The following PARP14 variants were observed in gnomAD, a reference collection of about 807,000 sequenced individuals.
PARP14 encodes the protein poly(ADP-ribose) polymerase family member 14.
In PARP14, 59 loss-of-function variants were observed where a neutral mutation model predicts 154.2. The observed-to-expected ratio is 0.38, with a 90% confidence interval of 0.31 to 0.48. The LOEUF (loss-of-function observed/expected upper bound fraction) is 0.48, where lower values mean the gene tolerates loss of function less well. Among genes scored for constraint, PARP14 ranks in the 20% least tolerant of loss-of-function variants. The pLI, the probability that PARP14 is intolerant of heterozygous loss-of-function variation, is 0.98. For missense variants in PARP14, 1,734 were observed against 2,131.6 expected (o/e 0.81, Z 3.67); for synonymous variants, 720 against 780.5 (o/e 0.92, Z 1.29).
At position 122,728,329 on chromosome 3, in the gene PARP14, C is replaced by A; in HGVS notation, c.5138C>A (p.Thr1713Asn). 1 of 1,613,052 alleles carries A rather than the reference C, an allele frequency of 6.2e-7. No homozygotes were observed. Among genetic ancestry groups the A allele is most frequent in the Non-Finnish European group, 8.5e-7 (1 of 1,179,068 alleles). ...ACAGCTGTGGCATATGGAAAGGGAA[C>A]CTATTTTGCTGTCAATGCCAATTAT... is the stretch of plus-strand genomic sequence containing the variant. ...GKNAVAYGKGTYFAVNANYSA... is the reference protein window; with the variant it reads ...GKNAVAYGKGNYFAVNANYSA... Residue 1713 changes from threonine to asparagine, a missense_variant, in exon 17 of 17, where the codon ACC (threonine) becomes AAC (asparagine). Transcript: ENST00000474629.
intron 15 of PARP14, among the ~76,000 whole-genome samples, chr3:122,725,077 T>A (rs1340127959): frequency 2.0e-5 from 3 of 152,170 alleles, no homozygotes; most frequent in Non-Finnish European, 4.4e-5. Flanking sequence ...AACAATCTGT[T>A]CTCTCTTTTC....
At chr3:122,683,221 G>A (rs974396904) in intron 1 of PARP14, 1 of 746,490 alleles carries the variant, frequency 1.3e-6, no homozygotes, top group South Asian at 6.0e-5. Flanking sequence ...AACAATGAAT[G>A]ACCTACGCTT....
rs1413490450 is a variant in PARP14, at chr3:122,730,626, T to C, written c.*2029T>C. On this transcript the variant is annotated 3_prime_UTR_variant, in exon 17 of 17. Transcript: ENST00000474629. ...AGGCCACTGGCATCTGAATTCATCA[T>C]TGACAATAAATGTAAGAAATTGGAA... The C allele has an allele frequency of 6.6e-6, 1 of 152,634 alleles. No individual in the cohort carries two copies. The highest frequency in any genetic ancestry group is 1.5e-5 in the Non-Finnish European group (1 of 68,042). The allele number at this position is 152,634 out of a possible 1,614,324, so 9.5% of individuals were successfully genotyped here. A position where few individuals can be genotyped will look rare whatever the true frequency, so the allele number is the denominator to read the frequency against.
intron 4 of PARP14, among the ~76,000 whole-genome samples, chr3:122,693,370 C>A (rs772399358): frequency 3.9e-5 from 6 of 152,116 alleles, no homozygotes; most frequent in Admixed American, 2.6e-4. Context: ...GGCAGTGGAG[C>A]GGTTAAGAGC....
In PARP14 at chr3:122,687,181, G is replaced by A. The variant is rs370128135; in HGVS notation, c.355+68G>A. ...TTTGCATTTATTAAAGGCAGCACTT[G>A]AGGGAGTCAGCCCTCTCTTCTTGAC... On this transcript the variant is annotated intron_variant, in intron 3 of 16. Transcript: ENST00000474629. 914 of 1,095,130 alleles carry A rather than the reference G, an allele frequency of 8.3e-4. 2 individuals carry two copies. The highest frequency in any genetic ancestry group is 1.2e-3 in the Non-Finnish European group (879 of 728,628). 67.8% of individuals were successfully genotyped at this position (1,095,130 alleles called of 1,614,324 possible).
In PARP14 at chr3:122,695,550, C is replaced by A. The variant is rs758910969; in HGVS notation, c.723C>A (p.Asp241Glu). Residue 241 changes from aspartate (D) to glutamate (E), a missense_variant, in exon 5 of 17, where the codon GAC (aspartate) becomes GAA (glutamate). Coordinates refer to ENST00000474629, the MANE Select transcript of PARP14 (RefSeq NM_017554.3). ...AAAACCTGCCACCTGGTGCTGATGA[C>A]TACAGTTTAAAACTTTTCTTTGAAA... is the stretch of plus-strand genomic sequence containing the variant. ...RVENLPPGAD[D>E]YSLKLFFENP... 1.9e-6 allele frequency: 3 copies of A among 1,608,202 alleles called. No individual in the cohort carries two copies. Among genetic ancestry groups the A allele is most frequent in the Non-Finnish European group, 2.6e-6 (3 of 1,175,204 alleles).
At chr3:122,709,363 G>A (rs1485853523) in intron 9 of PARP14, among the ~76,000 whole-genome samples, 1 of 152,192 alleles carries the variant, frequency 6.6e-6, no homozygotes, top group African/African-American at 2.4e-5. Context: ...CTCCATCCAA[G>A]TTGCTTCAAA....
At chr3:122,713,972 T>G in intron 11 of PARP14, 38 bp downstream of exon 11, 8 of 1,438,274 alleles carry the variant, frequency 5.6e-6, no homozygotes, top group Non-Finnish European at 7.8e-6. Context: ...AAGTTGTAAT[T>G]GTATGGGAGG....
rs371386673 is a variant in PARP14 at position 122,728,318 on chromosome 3, T to C, written c.5127T>C (p.Tyr1709=). ...RSYAGKNAVA[Y]GKGTYFAVNA... is the part of the protein sequence containing the mutation. ...TTTTTCTTTTCACAGCTGTGGCATA[T>C]GGAAAGGGAACCTATTTTGCTGTCA... The change falls in exon 17 of 17, where the codon TAT becomes TAC. Residue 1709 remains tyrosine, a synonymous_variant. Coordinates refer to ENST00000474629, the MANE Select transcript of PARP14 (RefSeq NM_017554.3). 2.2e-5 allele frequency: 35 copies of C among 1,612,270 alleles called. No individual in the cohort carries two copies. In the African/African-American group the frequency reaches 4.3e-4, roughly 20 times the overall value.
At chr3:122,697,743 T>A (rs1057238170) in intron 5 of PARP14, among the ~76,000 whole-genome samples, 2 of 152,272 alleles carry the variant, frequency 1.3e-5, no homozygotes, top group Admixed American at 1.3e-4. Context: ...CCTATGTCTG[T>A]AAGATCTTTT....
intron 3 of PARP14, among the ~76,000 whole-genome samples, chr3:122,688,623 C>G (rs1014092981): frequency 2.0e-5 from 3 of 152,094 alleles, no homozygotes; most frequent in African/African-American, 7.2e-5. Context: ...TGACTATGGC[C>G]CTAAGGCTGG....
At chr3:122,688,466 G>C (rs183288492) in intron 3 of PARP14, among the ~76,000 whole-genome samples, 1 of 152,130 alleles carries the variant, frequency 6.6e-6, no homozygotes, top group Non-Finnish European at 1.5e-5. Flanking sequence ...GGGAATTTTA[G>C]GCCCATTTTC....
At position 122,699,632 on chromosome 3, in the gene PARP14, C is replaced by T; in HGVS notation, c.1078C>T (p.Leu360Phe). ...RCHCELTWSQ[L>F]SGKVTIRPAA... ...TCACTGTGAGCTCACGTGGTCCCAA[C>T]TCAGTGGTAAAGTTACCATCAGACC... The change falls in exon 6 of 17, where the codon CTC (leucine) becomes TTC (phenylalanine). Residue 360 changes from leucine to phenylalanine, a missense_variant. Transcript: ENST00000474629. 1 of 1,614,020 alleles carries T rather than the reference C, an allele frequency of 6.2e-7. No homozygotes were observed. Among genetic ancestry groups the T allele is most frequent in the Non-Finnish European group, 8.5e-7 (1 of 1,179,874 alleles).
intron 12 of PARP14, among the ~76,000 whole-genome samples, chr3:122,716,959 G>GGACA (rs1933017767): frequency 6.6e-6 from 1 of 152,212 alleles, no homozygotes; most frequent in African/African-American, 2.4e-5. Flanking sequence ...GCCAGTGATA[G>GGACA]GACATAGCAG....
intron 4 of PARP14, among the ~76,000 whole-genome samples, chr3:122,694,983 G>A (rs1938726115): frequency 6.6e-6 from 1 of 152,148 alleles, no homozygotes; most frequent in Admixed American, 6.5e-5. Context: ...GTGGCAACAC[G>A]GACAATAAAA....
At position 122,700,751 on chromosome 3, in the gene PARP14, C is replaced by A. The variant is rs376424977; in HGVS notation, c.2197C>A (p.Gln733Lys). The change falls in exon 6 of 17, where the codon CAA becomes AAA. Residue 733 changes from glutamine to lysine, a missense_variant. Physicochemically the swap from Gln to Lys is moderately conservative, Grantham distance 53 (BLOSUM62 1). Coordinates refer to ENST00000474629, the MANE Select transcript of PARP14 (RefSeq NM_017554.3). ...EVLKAVDIVKQVWDSVCVKSV... is the reference protein window; with the variant it reads ...EVLKAVDIVKKVWDSVCVKSV... ...ACTGAAGGCAGTGGACATTGTCAAG[C>A]AAGTCTGGGATTCAGTCTGTGTTAA... is the stretch of plus-strand genomic sequence containing the variant. 1.2e-6 allele frequency: 2 copies of A among 1,613,396 alleles called. No homozygotes were observed. The highest frequency in any genetic ancestry group is 8.5e-7 in the Non-Finnish European group (1 of 1,179,628).
Position 122,718,157 on chromosome 3 carries a change from G to A in PARP14, c.4087G>A (p.Val1363Met). Residue 1363 changes from valine (V) to methionine (M), a missense_variant, in exon 13 of 17, where the codon GTG becomes ATG. Val to Met is a conservative substitution (Grantham distance 21). Transcript: ENST00000474629. ...TGTCCAGAAAGGATCAGCCCAGTCTGTGAAAAAAGTTAAAGTTGTTATCTT... is the reference window on the plus strand; with the variant it reads ...TGTCCAGAAAGGATCAGCCCAGTCTATGAAAAAAGTTAAAGTTGTTATCTT... ...DFVQKGSAQS[V>M]KKVKVVIFLP... 1 of 1,613,764 alleles carries A rather than the reference G, an allele frequency of 6.2e-7. No homozygotes were observed. Among genetic ancestry groups the A allele is most frequent in the African/African-American group, 1.3e-5 (1 of 75,030 alleles).
At position 122,701,067 on chromosome 3, in the gene PARP14, C is replaced by T; in HGVS notation, c.2513C>T (p.Ser838Leu). The T allele has an allele frequency of 1.2e-6, 2 of 1,614,008 alleles. No individual in the cohort carries two copies. The highest frequency in any genetic ancestry group is 1.7e-6 in the Non-Finnish European group (2 of 1,179,896). ...KHYGGLAAAL[S>L]KAAGPELQAD... ...TATGGTGGCCTGGCCGCTGCGCTCT[C>T]AAAAGCAGCTGGCCCTGAGCTCCAG... The change falls in exon 6 of 17, where the codon TCA (serine) becomes TTA (leucine). Residue 838 changes from serine to leucine, a missense_variant. Physicochemically the swap from Ser to Leu is moderately radical, Grantham distance 145. Around this residue, in one of 2 missense-constraint regions of PARP14, gnomAD observed 1,646 missense variants for 1,976.0 expected, o/e 0.83. Transcript: ENST00000474629. This position sits in a 1 kb window ranked among gnomAD's most constrained non-coding sequence, Gnocchi z 4.0.
chr3:122,712,569 T>C (rs1018801144), intron 9 of PARP14, among the ~76,000 whole-genome samples: 1 of 150,052 alleles, frequency 6.7e-6, no homozygotes, highest in Non-Finnish European at 1.5e-5. Flanking sequence ...CTTTTTTTTT[T>C]TGAGACAGAG....
Sources: gnomAD v4.1 joint callset for allele counts (sites outside exome capture counted in the v4.1 genomes callset) on GRCh38, gnomAD v4.1.1 for gene constraint, gnomAD v4.1.1 regional missense constraint, Gnocchi (gnomAD v3.1) non-coding constraint, MANE v1.5 for transcripts, NCBI Gene and HGNC (gene_info 2026-07-23, HGNC 2026-07-21) for gene names.